The following GALNS variants were observed in gnomAD, a reference collection of about 807,000 sequenced individuals.
The protein encoded by GALNS is N-acetylgalactosamine-6-sulfatase.
A neutral mutation model predicts 65.9 loss-of-function variants in GALNS; 65 were observed. That is an observed-to-expected ratio of 0.99 (90% CI 0.81 to 1.21). The LOEUF (loss-of-function observed/expected upper bound fraction) is 1.21. Among genes scored for constraint, GALNS ranks in the 50% most tolerant of loss-of-function variants. GALNS has a pLI of 0.00. For missense variants in GALNS, 776 were observed against 700.7 expected, an observed-to-expected ratio of 1.11 and a Z score of -1.21; for synonymous variants, 346 against 288.9, an observed-to-expected ratio of 1.20 and a Z score of -2.00.
At position 88,828,173 on chromosome 16, in the gene GALNS, G is replaced by A. The variant is rs989222675; in HGVS notation, c.1003-1335C>T. Reference sequence around the variant, plus strand: ...AGCAGTGTCTGTGCGACTGCTTCCCGTCCTTCCCGTGTCCTTTAAAGGACA... The same window carrying A: ...AGCAGTGTCTGTGCGACTGCTTCCCATCCTTCCCGTGTCCTTTAAAGGACA... On this transcript the variant is annotated intron_variant, in intron 9 of 13. Coordinates refer to ENST00000268695, the MANE Select transcript of GALNS (RefSeq NM_000512.5). 6.6e-5 allele frequency among the ~76,000 whole-genome samples: 10 copies of A among 151,938 alleles called. No homozygotes were observed. The East Asian group carries it at 1.2e-3, about 18-fold the overall frequency.
intron 12 of GALNS, among the ~76,000 whole-genome samples, chr16:88,818,928 G>A (rs11076717): frequency 0.32 from 48,129 of 152,046 alleles, 7,911 homozygotes; most frequent in East Asian, 0.58. Context: ...GTGGACCGGA[G>A]CAGCCACTCT....
chr16:88,828,305 A>G (rs148436278), intron 9 of GALNS, among the ~76,000 whole-genome samples: 6,178 of 152,062 alleles, frequency 0.041, 158 homozygotes, highest in South Asian at 0.081. Flanking sequence ...GTGTCAGCAC[A>G]GGCAGGGTCC....
chr16:88,836,349 T>A, intron 5 of GALNS, 82 bp from the exon 6 acceptor site: 2 of 1,140,298 alleles, frequency 1.8e-6, no homozygotes, highest in Non-Finnish European at 2.6e-6. Context: ...AGCAAAGCCA[T>A]GGGCTTCATT....
intron 9 of GALNS, among the ~76,000 whole-genome samples, chr16:88,830,566 T>C (rs532158141): frequency 2.6e-4 from 40 of 152,220 alleles, no homozygotes; most frequent in African/African-American, 9.4e-4. Flanking sequence ...TAAGAAACAG[T>C]GAAGAAACAG....
intron 12 of GALNS, among the ~76,000 whole-genome samples, chr16:88,819,886 G>C (rs558484038): frequency 6.6e-6 from 1 of 152,228 alleles, no homozygotes; most frequent in East Asian, 1.9e-4. Context: ...TAGAGACGGG[G>C]TTTCACCATG....
intron 13 of GALNS, 61 bp downstream of exon 13, chr16:88,817,946 G>A: frequency 1.5e-6 from 2 of 1,360,900 alleles, no homozygotes; most frequent in Non-Finnish European, 2.0e-6. Context: ...TTCATCCTGG[G>A]CCCCGGGTGG....
intron 1 of GALNS, among the ~76,000 whole-genome samples, chr16:88,852,181 A>G (rs1439770787): frequency 6.6e-6 from 1 of 152,194 alleles, no homozygotes; most frequent in Non-Finnish European, 1.5e-5. Context: ...AGGCAGCAAT[A>G]TTTACTATTC....
chr16:88,855,063 G>C (rs1271084544), intron 1 of GALNS: 8 of 398,708 alleles, frequency 2.0e-5, no homozygotes, highest in Non-Finnish European at 3.9e-5. Context: ...TGGAAACGTA[G>C]GGTGAGTCCA....
Position 88,835,842 on chromosome 16 carries a change from A to C in GALNS, c.641T>G (p.Leu214Arg). ...NLTQIYLQEA[L>R]DFIKRQARHH... Reference sequence around the variant, plus strand: ...CCGTGCCTGTCTCTTAATGAAGTCCAGGGCTTCCTATGGAGAGAGCCACAC... The same window carrying C: ...CCGTGCCTGTCTCTTAATGAAGTCCCGGGCTTCCTATGGAGAGAGCCACAC... Residue 214 changes from leucine (L) to arginine (R), a missense_variant, in exon 7 of 14, where the codon CTG becomes CGG. Transcript: ENST00000268695. 6.2e-7 allele frequency: 1 copy of C among 1,614,082 alleles called. No homozygotes were observed. The highest frequency in any genetic ancestry group is 8.5e-7 in the Non-Finnish European group (1 of 1,180,008).
chr16:88,850,526 G>T (rs11076727), intron 1 of GALNS, among the ~76,000 whole-genome samples: 59,704 of 151,764 alleles, frequency 0.39, 12,160 homozygotes, highest in East Asian at 0.58. Context: ...CTTGAGGGAG[G>T]GGGCTCCACG....
chr16:88,814,357 G>A lies in GALNS; in HGVS notation c.*82C>T, dbSNP rs1909410508. 1 of 1,530,756 alleles carries A rather than the reference G, an allele frequency of 6.5e-7. No individual in the cohort carries two copies. The highest frequency in any genetic ancestry group is 1.4e-5 in the African/African-American group (1 of 72,620). 94.8% of individuals were successfully genotyped at this position (1,530,756 alleles called of 1,614,324 possible). On this transcript the variant is annotated 3_prime_UTR_variant, in exon 14 of 14. Transcript: ENST00000268695. ...TCTGGCTTGGGCAGGGTTGGGGGAG[G>A]ACCGAGGCCAGAGCCATCCTTCCTC...
Position 88,818,121 on chromosome 16 carries a change from A to G in GALNS, c.1368T>C (p.Phe456=). The change falls in exon 13 of 14, where the codon TTT becomes TTC. Residue 456 remains phenylalanine, a synonymous_variant. Coordinates refer to ENST00000268695, the MANE Select transcript of GALNS (RefSeq NM_000512.5). ...GGGCCTCCTGGTACTCGGCGCTGGCAAAGCTGGGGACAGAGAGCTCTGGTC... is the reference window on the plus strand; with the variant it reads ...GGGCCTCCTGGTACTCGGCGCTGGCGAAGCTGGGGACAGAGAGCTCTGGTC... ...RDPGERFPLS[F]ASAEYQEALS... is the part of the protein sequence containing the mutation. The G allele has an allele frequency of 6.4e-7, 1 of 1,572,368 alleles. No homozygotes were observed.
intron 1 of GALNS, among the ~76,000 whole-genome samples, chr16:88,847,666 A>G (rs1967311608): frequency 6.6e-6 from 1 of 152,238 alleles, no homozygotes; most frequent in Non-Finnish European, 1.5e-5. Flanking sequence ...GACAGGGACT[A>G]GAGTCTGATC....
rs564502999 is a variant in GALNS, at chr16:88,822,816, T to C, written c.1243-106A>G. On this transcript the variant is annotated intron_variant, in intron 11 of 13. Coordinates refer to ENST00000268695, the MANE Select transcript of GALNS (RefSeq NM_000512.5). The stretch of plus-strand genomic sequence containing the variant: ...CCCCTGACTGCGGCCGTGAGGGGCC[T>C]TGTCTGCCTGTGTCCTGGAGCCCCT... The C allele has an allele frequency of 5.1e-5, 77 of 1,498,774 alleles. No individual in the cohort carries two copies. In the East Asian group the frequency reaches 1.2e-3, roughly 23 times the overall value. 92.8% of individuals were successfully genotyped at this position (1,498,774 alleles called of 1,614,324 possible).
Position 88,842,045 on chromosome 16 carries a change from C to T in GALNS, c.245-74G>A, listed in dbSNP as rs568065202. Reference sequence around the variant, plus strand: ...AGACCCCGGGCGTCAACAAGAGCCCCAACGAGTAGACAGACGCGTGACAGA... The same window carrying T: ...AGACCCCGGGCGTCAACAAGAGCCCTAACGAGTAGACAGACGCGTGACAGA... On this transcript the variant is annotated intron_variant, in intron 2 of 13. Coordinates refer to ENST00000268695, the MANE Select transcript of GALNS (RefSeq NM_000512.5). 4 of 1,319,476 alleles carry T rather than the reference C, an allele frequency of 3.0e-6. No individual in the cohort carries two copies. The South Asian group carries it at 3.7e-5, about 12-fold the overall frequency. 81.7% of individuals were successfully genotyped at this position (1,319,476 alleles called of 1,614,324 possible). A position where few individuals can be genotyped will look rare whatever the true frequency, so the allele number is the denominator to read the frequency against.
Position 88,835,719 on chromosome 16 carries a change from ACTCACCGCC to A in GALNS, c.755_758+5del, listed in dbSNP as rs761338036. 10 of 1,613,784 alleles carry A rather than the reference ACTCACCGCC, an allele frequency of 6.2e-6. No homozygotes were observed. ...GAGGTCTATGCTCCATGGAGCCAGG[ACTCACCGCC>A]CTCGCTGACTGGTGCCCAAGAAGGG... On this transcript the variant is annotated splice_donor_variant and splice_donor_5th_base_variant and coding_sequence_variant and intron_variant, in exon 7 of 14. Coordinates refer to ENST00000268695, the MANE Select transcript of GALNS (RefSeq NM_000512.5). LOFTEE classifies it high-confidence loss of function.
Position 88,826,727 on chromosome 16 carries a change from G to A in GALNS, c.1114C>T (p.Leu372Phe), listed in dbSNP as rs1369640922. 2 of 1,612,712 alleles carry A rather than the reference G, an allele frequency of 1.2e-6. No individual in the cohort carries two copies. The highest frequency in any genetic ancestry group is 2.2e-5 in the East Asian group (1 of 44,876). The change falls in exon 10 of 14, where the codon CTC becomes TTC. Residue 372 changes from leucine to phenylalanine, a missense_variant. Leu to Phe is a conservative substitution (Grantham distance 22). Transcript: ENST00000268695. ...AIDGLNLLPT[L>F]LQGRLMDRPI... Reference sequence around the variant, plus strand: ...CTGTCCATCAGCCGGCCCTGCAGGAGGGTGGGGAGGAGGTTGAGGCCATCA... The same window carrying A: ...CTGTCCATCAGCCGGCCCTGCAGGAAGGTGGGGAGGAGGTTGAGGCCATCA...
At chr16:88,846,555 C>T (rs556202431) in intron 1 of GALNS, among the ~76,000 whole-genome samples, 8 of 119,716 alleles carry the variant, frequency 6.7e-5, no homozygotes, top group Admixed American at 1.2e-4. Flanking sequence ...TTGCTGTTGT[C>T]GCCCAGGCTG....
intron 1 of GALNS, among the ~76,000 whole-genome samples, chr16:88,852,904 G>GTGATCGAGCTAC (rs2143009873): frequency 6.6e-6 from 1 of 152,226 alleles, no homozygotes; most frequent in African/African-American, 2.4e-5. Context: ...GCAGTGAGCT[G>GTGATCGAGCTAC]TGATCGAGCT....
Sources: gnomAD v4.1 joint callset for allele counts (sites outside exome capture counted in the v4.1 genomes callset) on GRCh38, gnomAD v4.1.1 for gene constraint, MANE v1.5 for transcripts, NCBI Gene and HGNC (gene_info 2026-07-23, HGNC 2026-07-21) for gene names.